DLAT: variants seen among roughly 807,000 people sequenced by gnomAD.
The protein encoded by DLAT is dihydrolipoamide S-acetyltransferase.
A neutral mutation model predicts 68.0 loss-of-function variants in DLAT; 43 were observed. The ratio of observed to expected loss-of-function variants is 0.63; its 90% CI spans 0.50 to 0.81. The LOEUF (loss-of-function observed/expected upper bound fraction) is 0.81, where lower values mean the gene tolerates loss of function less well. Ranked by LOEUF, DLAT falls within the 40% of genes least tolerant of loss-of-function variation. DLAT has a pLI of 0.00. For missense variants in DLAT, 745 were observed against 815.4 expected (o/e 0.91, Z 1.05); for synonymous variants, 265 against 288.6 (o/e 0.92, Z 0.83).
chr11:112,039,125 G>A, intron 6 of DLAT, 119 bp from the exon 7 acceptor site: 8 of 991,262 alleles, frequency 8.1e-6, no homozygotes, highest in Non-Finnish European at 1.1e-5. Flanking sequence ...TTGGAAAAAT[G>A]AAAGTTATTA....
intron 10 of DLAT, 53 bp downstream of exon 10, chr11:112,046,023 C>A: frequency 9.9e-7 from 1 of 1,010,012 alleles, no homozygotes; most frequent in Non-Finnish European, 1.5e-6. Flanking sequence ...TTGTCTTTCC[C>A]CACCAAACAT....
chr11:112,030,324 A>G (rs1862324940), intron 4 of DLAT: 2 of 521,462 alleles, frequency 3.8e-6, no homozygotes, highest in African/African-American at 2.0e-5. Flanking sequence ...GCTGACATCA[A>G]AGAACACCAT....
rs1861929021 is a variant in DLAT at position 112,025,421 on chromosome 11, A to C, written c.-52A>C. Reference sequence around the variant, plus strand: ...GACGGCAACGCCGCTGCTCTTGGAGAGGTCACTCCGGAGACGGCGTTGGTT... The same window carrying C: ...GACGGCAACGCCGCTGCTCTTGGAGCGGTCACTCCGGAGACGGCGTTGGTT... On this transcript the variant is annotated 5_prime_UTR_variant, in exon 1 of 14. Transcript: ENST00000280346. The C allele has an allele frequency of 1.3e-6, 2 of 1,580,216 alleles. No homozygotes were observed. The highest frequency in any genetic ancestry group is 1.7e-6 in the Non-Finnish European group (2 of 1,167,900).
chr11:112,060,005 T>A lies in DLAT; in HGVS notation c.1617T>A (p.Asn539Lys). ...TAAAAGGAGTGGAAACCATTGCTAA[T>A]GATGTTGTTTCTTTAGCAACCAAAG... ...AHIKGVETIA[N>K]DVVSLATKAR... is the part of the protein sequence containing the mutation. The change falls in exon 12 of 14, where the codon AAT becomes AAA. Residue 539 changes from asparagine to lysine, a missense_variant. Coordinates refer to ENST00000280346, the MANE Select transcript of DLAT (RefSeq NM_001931.5). 1 of 1,613,950 alleles carries A rather than the reference T, an allele frequency of 6.2e-7. No homozygotes were observed. The highest frequency in any genetic ancestry group is 8.5e-7 in the Non-Finnish European group (1 of 1,179,848).
intron 4 of DLAT, among the ~76,000 whole-genome samples, chr11:112,031,851 A>AT: frequency 7.5e-6 from 1 of 133,782 alleles, no homozygotes; most frequent in Non-Finnish European, 1.5e-5. Context: ...AAATGCTGAG[A>AT]TTATAGGCAT....
chr11:112,064,173 A>C lies in DLAT; in HGVS notation c.*1638A>C, dbSNP rs1220103522. ...TCCAAATCTGGTTCAAACATTCAAA[A>C]CTTCAAAGATAATTCATCTTTCGCT... On this transcript the variant is annotated 3_prime_UTR_variant, in exon 14 of 14. Transcript: ENST00000280346. The C allele has an allele frequency of 1.3e-6, 2 of 1,568,136 alleles. No homozygotes were observed. The highest frequency in any genetic ancestry group is 2.7e-5 in the African/African-American group (2 of 74,156).
chr11:112,062,266 A>AT, intron 13 of DLAT, 140 bp from the exon 14 acceptor site: 1 of 884,522 alleles, frequency 1.1e-6, no homozygotes, highest in Non-Finnish European at 1.7e-6. Context: ...AATTTGAGCT[A>AT]AAGGTATAGG....
In DLAT at chr11:112,039,321, A is replaced by T. The variant is rs1467801971; in HGVS notation, c.1053A>T (p.Pro351=). 2.5e-6 allele frequency: 4 copies of T among 1,614,148 alleles called. No individual in the cohort carries two copies. The highest frequency in any genetic ancestry group is 2.5e-6 in the Non-Finnish European group (3 of 1,180,012). ...CCTGCCCAGCTACTCCTGCTGGACC[A>T]AAGGGAAGGGTGTTTGTTAGCCCTC... ...SAPCPATPAG[P]KGRVFVSPLA... The change falls in exon 7 of 14, where the codon CCA becomes CCT. Residue 351 remains proline, a synonymous_variant. Coordinates refer to ENST00000280346, the MANE Select transcript of DLAT (RefSeq NM_001931.5).
chr11:112,039,132 A>G, intron 6 of DLAT, 112 bp from the exon 7 acceptor site: 1 of 1,041,632 alleles, frequency 9.6e-7, no homozygotes, highest in Non-Finnish European at 1.3e-6. Context: ...AATGAAAGTT[A>G]TTAATATTTA....
chr11:112,060,945 CT>C, intron 12 of DLAT, 92 bp from the exon 13 acceptor site: 2 of 1,188,118 alleles, frequency 1.7e-6, no homozygotes, highest in Non-Finnish European at 2.4e-6. Flanking sequence ...GACCTTGCAC[CT>C]TTTTAGCTTA....
chr11:112,046,968 C>T (rs1555181552), intron 10 of DLAT, among the ~76,000 whole-genome samples: 1 of 152,140 alleles, frequency 6.6e-6, no homozygotes, highest in Admixed American at 6.5e-5. Flanking sequence ...GTTTATAATC[C>T]TTTGGGTCTA....
In DLAT at chr11:112,053,299, G is replaced by GT. The variant is rs587671027; in HGVS notation, c.1514+1951dup. ...ATTGTGCCATTGCAGTCCAGCCTGG[G>GT]TGATAAGAGCAAAACTCTGTCTCAA... On this transcript the variant is annotated intron_variant, in intron 11 of 13. Coordinates refer to ENST00000280346, the MANE Select transcript of DLAT (RefSeq NM_001931.5). Among the ~76,000 whole-genome samples the GT allele has an allele frequency of 7.9e-5, 12 of 152,232 alleles. No homozygotes were observed. The East Asian group carries it at 2.3e-3, about 29-fold the overall frequency.
chr11:112,061,149 C>T lies in DLAT; in HGVS notation c.1789C>T (p.Leu597=), dbSNP rs1473400016. The T allele has an allele frequency of 1.9e-6, 3 of 1,613,986 alleles. No individual in the cohort carries two copies. In the African/African-American group the frequency reaches 4.0e-5, roughly 22 times the overall value. Reference sequence around the variant, plus strand: ...GGCAATTGGTGCTTCAGAGGATAAACTGGTCCCTGCAGATAATGAAAAAGG... The same window carrying T: ...GGCAATTGGTGCTTCAGAGGATAAATTGGTCCCTGCAGATAATGAAAAAGG... ...ILAIGASEDK[L]VPADNEKGFD... The change falls in exon 13 of 14, where the codon CTG becomes TTG. Residue 597 remains leucine (L), a synonymous_variant. Coordinates refer to ENST00000280346, the MANE Select transcript of DLAT (RefSeq NM_001931.5).
In DLAT at chr11:112,045,484, G is replaced by A. The variant is rs587756825; in HGVS notation, c.1290+254G>A. On this transcript the variant is annotated intron_variant, in intron 9 of 13. Coordinates refer to ENST00000280346, the MANE Select transcript of DLAT (RefSeq NM_001931.5). ...GGGCAGATCACAAGGTCCAGACTTC[G>A]AGACCAGCCTGGCCAACATAGTGAA... Among the ~76,000 whole-genome samples, 4 of 152,134 alleles carry A rather than the reference G, an allele frequency of 2.6e-5. No individual in the cohort carries two copies. The South Asian group carries it at 6.2e-4, about 24-fold the overall frequency.
In DLAT at chr11:112,043,534, G is replaced by A. The variant is rs782107516; in HGVS notation, c.1197+1G>A. ...TTTTGTGCCTAGTAAAGTTGCTCCT[G>A]TGAGTTATGTGTAGCTCTTACTTTT... is the stretch of plus-strand genomic sequence containing the variant. On this transcript the variant is annotated splice_donor_variant, in intron 8 of 13. Coordinates refer to ENST00000280346, the MANE Select transcript of DLAT (RefSeq NM_001931.5). LOFTEE classifies it high-confidence loss of function. 6.2e-7 allele frequency: 1 copy of A among 1,613,836 alleles called. No homozygotes were observed. Among genetic ancestry groups the A allele is most frequent in the Non-Finnish European group, 8.5e-7 (1 of 1,179,752 alleles).
At chr11:112,058,158 CATTT>C (rs768544429) in intron 11 of DLAT, among the ~76,000 whole-genome samples, 15 of 152,184 alleles carry the variant, frequency 9.9e-5, no homozygotes, top group Non-Finnish European at 2.1e-4. Flanking sequence ...ACCCATTCAA[CATTT>C]ATTTAACATG....
At chr11:112,028,290 G>T (rs1862192089) in intron 2 of DLAT, among the ~76,000 whole-genome samples, 1 of 151,938 alleles carries the variant, frequency 6.6e-6, no homozygotes, top group African/African-American at 2.4e-5. Flanking sequence ...ATGGCAGCCT[G>T]TTCCTGTAAT....
chr11:112,058,531 G>A (rs1864260192), intron 11 of DLAT, among the ~76,000 whole-genome samples: 1 of 149,310 alleles, frequency 6.7e-6, no homozygotes, highest in Admixed American at 6.7e-5. Context: ...CAGAACACTA[G>A]CAGGGGCCCT....
Position 112,035,886 on chromosome 11 carries a change from G to T in DLAT, c.788-1387G>T, listed in dbSNP as rs587683897. On this transcript the variant is annotated intron_variant, in intron 5 of 13. Transcript: ENST00000280346. ...GCTCACTGCAATTTCCACCTCCCGG[G>T]TTCAAGCAATTCTCCTGCCTCAGCT... 1.1e-4 allele frequency among the ~76,000 whole-genome samples: 16 copies of T among 150,494 alleles called. No homozygotes were observed. The East Asian group carries it at 3.1e-3, about 29-fold the overall frequency.
Sources: gnomAD v4.1 joint callset for allele counts (sites outside exome capture counted in the v4.1 genomes callset) on GRCh38, gnomAD v4.1.1 for gene constraint, MANE v1.5 for transcripts, NCBI Gene and HGNC (gene_info 2026-07-23, HGNC 2026-07-21) for gene names.